The following OLFML1 variants were observed in gnomAD, a reference collection of about 807,000 sequenced individuals.
The protein encoded by OLFML1 is olfactomedin like 1.
OLFML1 carries 33 observed loss-of-function variants against 37.3 expected under a neutral mutation model. The observed-to-expected ratio is 0.88, with a 90% CI of 0.67 to 1.18. The LOEUF (loss-of-function observed/expected upper bound fraction) is 1.18. OLFML1 is among the 50% of genes most tolerant of loss of function. OLFML1 has a pLI of 0.00. For missense variants in OLFML1, 545 were observed against 483.7 expected, an observed-to-expected ratio of 1.13 and a Z score of -1.19; for synonymous variants, 186 against 181.3, an observed-to-expected ratio of 1.03 and a Z score of -0.21.
chr11:7,509,348 G>T, intron 2 of OLFML1, 50 bp from the exon 3 acceptor site: 2 of 1,424,558 alleles, frequency 1.4e-6, no homozygotes, highest in South Asian at 2.7e-5. Flanking sequence ...CCAGAAAGCA[G>T]ACAGCTCATG....
In OLFML1 at chr11:7,509,784, T is replaced by A. The variant is rs757251945; in HGVS notation, c.805T>A (p.Tyr269Asn). 50 of 1,614,104 alleles carry A rather than the reference T, an allele frequency of 3.1e-5. No individual in the cohort carries two copies. Among genetic ancestry groups the A allele is most frequent in the Non-Finnish European group, 4.2e-5 (49 of 1,180,036 alleles). ...GGTTTACCAGCACTCCCCCTCAACT[T>A]ACATTGACCTGGCTGTGGATGAGCA... ...ALVYQHSPST[Y>N]IDLAVDEHGL... The change falls in exon 3 of 3, where the codon TAC becomes AAC. Residue 269 changes from tyrosine (Y) to asparagine (N), a missense_variant. By Grantham distance (143) the Tyr-to-Asn change is moderately radical (BLOSUM62 -2). Transcript: ENST00000329293.
chr11:7,501,959 G>A (rs1358899992), intron 2 of OLFML1, among the ~76,000 whole-genome samples: 2 of 152,180 alleles, frequency 1.3e-5, no homozygotes, highest in Non-Finnish European at 2.9e-5. Flanking sequence ...GAAGGACGAT[G>A]AGCTAGTAAA....
chr11:7,500,020 T>C (rs1399404489), intron 2 of OLFML1, among the ~76,000 whole-genome samples: 7 of 152,086 alleles, frequency 4.6e-5, no homozygotes, highest in Non-Finnish European at 8.8e-5. Context: ...GCCTCCCACG[T>C]AGCTGGGACT....
Position 7,510,344 on chromosome 11 carries a change from G to A in OLFML1, c.*156G>A, listed in dbSNP as rs1848846112. 1.6e-6 allele frequency: 1 copy of A among 635,310 alleles called. No individual in the cohort carries two copies. Among genetic ancestry groups the A allele is most frequent in the Admixed American group, 3.0e-5 (1 of 33,676 alleles). The allele number at this position is 635,310 out of a possible 1,614,324, so 39.4% of individuals were successfully genotyped here. A position where few individuals can be genotyped will look rare whatever the true frequency, so the allele number is the denominator to read the frequency against. On this transcript the variant is annotated 3_prime_UTR_variant, in exon 3 of 3. Coordinates refer to ENST00000329293, the MANE Select transcript of OLFML1 (RefSeq NM_198474.4). The stretch of plus-strand genomic sequence containing the variant: ...TATGCCTCCTTTCCCAAATGTCACT[G>A]CCTTAGGTATCTTCCAAGAGCTTAG...
chr11:7,498,847 C>T (rs1348977908), intron 2 of OLFML1, among the ~76,000 whole-genome samples: 1 of 152,304 alleles, frequency 6.6e-6, no homozygotes, highest in South Asian at 2.1e-4. Context: ...CTGGTTCCCT[C>T]AATTGAATCA....
chr11:7,510,255 G>A lies in OLFML1; in HGVS notation c.*67G>A. On this transcript the variant is annotated 3_prime_UTR_variant, in exon 3 of 3. Coordinates refer to ENST00000329293, the MANE Select transcript of OLFML1 (RefSeq NM_198474.4). ...TGTTCTACAGGACAGTGAGGCTATA[G>A]CCCCTTCACAATATAGTATCCCTCT... is the stretch of plus-strand genomic sequence containing the variant. The A allele has an allele frequency of 7.9e-7, 1 of 1,269,166 alleles. No individual in the cohort carries two copies. Among genetic ancestry groups the A allele is most frequent in the Non-Finnish European group, 1.1e-6 (1 of 922,178 alleles). 78.6% of individuals were successfully genotyped at this position (1,269,166 alleles called of 1,614,324 possible). A position where few individuals can be genotyped will look rare whatever the true frequency, so the allele number is the denominator to read the frequency against.
At chr11:7,486,281 A>G (rs1302608915) in intron 1 of OLFML1, among the ~76,000 whole-genome samples, 2 of 152,196 alleles carry the variant, frequency 1.3e-5, no homozygotes, top group African/African-American at 4.8e-5. Context: ...TTATGTTGTA[A>G]GGCTATCCTG....
At chr11:7,486,090 G>C in intron 1 of OLFML1, 86 bp downstream of exon 1, 1 of 1,322,120 alleles carries the variant, frequency 7.6e-7, no homozygotes, top group Non-Finnish European at 1.1e-6. Context: ...CTACTGGGTT[G>C]TATTTTTCCC....
At chr11:7,500,893 A>T (rs1041904572) in intron 2 of OLFML1, among the ~76,000 whole-genome samples, 3 of 152,098 alleles carry the variant, frequency 2.0e-5, no homozygotes, top group Non-Finnish European at 2.9e-5. Flanking sequence ...AAAAAATTTT[A>T]AAAAAACTTA....
intron 2 of OLFML1, among the ~76,000 whole-genome samples, chr11:7,508,025 A>G (rs1848806528): frequency 6.6e-6 from 1 of 152,266 alleles, no homozygotes; most frequent in Non-Finnish European, 1.5e-5. Flanking sequence ...CAGCTGGAAG[A>G]AAGAGCCCTG....
At chr11:7,507,405 G>T (rs1345046253) in intron 2 of OLFML1, among the ~76,000 whole-genome samples, 1 of 152,120 alleles carries the variant, frequency 6.6e-6, no homozygotes, top group Non-Finnish European at 1.5e-5. Flanking sequence ...GCAAACTTCA[G>T]TATCTCTCTG....
Position 7,488,280 on chromosome 11 carries a change from G to T in OLFML1, c.283G>T (p.Ala95Ser). ...VGNLALRVER[A>S]QREIDYIQYL... ...TAACTTGGCACTGAGAGTTGAACGT[G>T]CCCAACGGGAGATTGACTACATACA... The change falls in exon 2 of 3, where the codon GCC becomes TCC. Residue 95 changes from alanine (A) to serine (S), a missense_variant. Ala to Ser is a moderately conservative substitution (Grantham distance 99, BLOSUM62 1). Coordinates refer to ENST00000329293, the MANE Select transcript of OLFML1 (RefSeq NM_198474.4). 6.2e-7 allele frequency: 1 copy of T among 1,614,086 alleles called. No individual in the cohort carries two copies. The highest frequency in any genetic ancestry group is 1.3e-5 in the African/African-American group (1 of 75,010).
chr11:7,486,397 G>A (rs1251842745), intron 1 of OLFML1, among the ~76,000 whole-genome samples: 1 of 152,128 alleles, frequency 6.6e-6, no homozygotes, highest in Non-Finnish European at 1.5e-5. Context: ...AAAAATGTTG[G>A]TTACTTTTTC....
In OLFML1 at chr11:7,490,524, T is replaced by C. The variant is rs1311054153; in HGVS notation, c.418+2109T>C. On this transcript the variant is annotated intron_variant, in intron 2 of 2. Coordinates refer to ENST00000329293, the MANE Select transcript of OLFML1 (RefSeq NM_198474.4). ...CCCACCAGGTGTTGAGACTACCCTT[T>C]CCCATTCCAGCTAGAGCTCAGTGGA... Among the ~76,000 whole-genome samples, 51 of 152,164 alleles carry C rather than the reference T, an allele frequency of 3.4e-4. 1 individual carries two copies. The highest frequency in any genetic ancestry group is 3.1e-3 in the Admixed American group (47 of 15,270).
chr11:7,501,850 C>T (rs1043102714), intron 2 of OLFML1, among the ~76,000 whole-genome samples: 1 of 152,052 alleles, frequency 6.6e-6, no homozygotes. Flanking sequence ...ATTCATTCAA[C>T]AGATATTTAT....
chr11:7,510,036 G>A lies in OLFML1; in HGVS notation c.1057G>A (p.Glu353Lys). 1 of 1,614,248 alleles carries A rather than the reference G, an allele frequency of 6.2e-7. No individual in the cohort carries two copies. The highest frequency in any genetic ancestry group is 8.5e-7 in the Non-Finnish European group (1 of 1,180,052). The change falls in exon 3 of 3, where the codon GAG becomes AAG. Residue 353 changes from glutamate (E) to lysine (K), a missense_variant. Physicochemically the swap from Glu to Lys is moderately conservative, Grantham distance 56. Transcript: ENST00000329293. ...CIYDPLGTIS[E>K]EDLPNLFFPK... ...CTATGATCCACTGGGCACTATCAGTGAGGAGGACTTGCCCAACTTGTTCTT... is the reference window on the plus strand; with the variant it reads ...CTATGATCCACTGGGCACTATCAGTAAGGAGGACTTGCCCAACTTGTTCTT...
In OLFML1 at chr11:7,510,864, A is replaced by G. The variant is rs1177425363; in HGVS notation, c.*676A>G. Reference sequence around the variant, plus strand: ...TTCCCCTAGCCCTGTCCTTCCACTAAGCTTGGTAGATGTAATAATAAAGTG... The same window carrying G: ...TTCCCCTAGCCCTGTCCTTCCACTAGGCTTGGTAGATGTAATAATAAAGTG... On this transcript the variant is annotated 3_prime_UTR_variant, in exon 3 of 3. Transcript: ENST00000329293. 1.3e-5 allele frequency: 2 copies of G among 152,206 alleles called. No homozygotes were observed. Among genetic ancestry groups the G allele is most frequent in the Non-Finnish European group, 2.9e-5 (2 of 68,042 alleles). 9.4% of individuals were successfully genotyped at this position (152,206 alleles called of 1,614,324 possible). A position where few individuals can be genotyped will look rare whatever the true frequency, so the allele number is the denominator to read the frequency against.
chr11:7,496,193 G>A (rs908082851), intron 2 of OLFML1, among the ~76,000 whole-genome samples: 22 of 152,202 alleles, frequency 1.4e-4, no homozygotes, highest in African/African-American at 5.3e-4. Flanking sequence ...GGCTAACCTG[G>A]CCTGGCCTCA....
chr11:7,489,328 C>T (rs957390918), intron 2 of OLFML1, among the ~76,000 whole-genome samples: 3 of 152,002 alleles, frequency 2.0e-5, no homozygotes, highest in East Asian at 1.9e-4. Context: ...AAGTTAGAAA[C>T]GAATGAGTAG....
Sources: gnomAD v4.1 joint callset for allele counts (sites outside exome capture counted in the v4.1 genomes callset) on GRCh38, gnomAD v4.1.1 for gene constraint, MANE v1.5 for transcripts, NCBI Gene and HGNC (gene_info 2026-07-23, HGNC 2026-07-21) for gene names.